UGDH: variants seen among roughly 807,000 people sequenced by gnomAD.
UGDH encodes the protein UDP-Glc dehydrogenase.
In UGDH, 38 loss-of-function variants were observed where a neutral mutation model predicts 50.6. The observed-to-expected ratio is 0.75, with a 90% CI of 0.58 to 0.98. The LOEUF (loss-of-function observed/expected upper bound fraction) is 0.98, where lower values mean the gene tolerates loss of function less well. Among genes scored for constraint, UGDH ranks in the 50% least tolerant of loss-of-function variants. The pLI is 0.00. For synonymous variants in UGDH, 168 were observed against 199.9 expected, an observed-to-expected ratio of 0.84 and a Z score of 1.35; for missense variants, 465 against 606.2, an observed-to-expected ratio of 0.77 and a Z score of 2.45.
intron 3 of UGDH, among the ~76,000 whole-genome samples, chr4:39,512,484 T>C (rs995922285): frequency 1.3e-5 from 2 of 152,204 alleles, no homozygotes; most frequent in African/African-American, 4.8e-5. Flanking sequence ...TGGGAGATGA[T>C]CAGACAGCTT....
Position 39,500,146 on chromosome 4 carries a change from C to T in UGDH, c.1482G>A (p.Val494=). ...LQDPPNKKPK[V] is the part of the protein sequence containing the mutation. ...TCACAAATAAAAATGGCAATCTCTA[C>T]ACTTTAGGTTTCTTGTTAGGTGGAT... The change falls in exon 12 of 12, where the codon GTG becomes GTA. Residue 494 remains valine, a synonymous_variant. Coordinates refer to ENST00000316423, the MANE Select transcript of UGDH (RefSeq NM_003359.4). 4.0e-6 allele frequency: 6 copies of T among 1,515,722 alleles called. No homozygotes were observed. The highest frequency in any genetic ancestry group is 5.4e-6 in the Non-Finnish European group (6 of 1,117,864). 93.9% of individuals were successfully genotyped at this position (1,515,722 alleles called of 1,614,324 possible).
Position 39,509,912 on chromosome 4 carries a change from A to AC in UGDH, c.664-6_664-5insG. 1 of 1,502,206 alleles carries AC rather than the reference A, an allele frequency of 6.7e-7. No individual in the cohort carries two copies. The highest frequency in any genetic ancestry group is 2.3e-5 in the East Asian group (1 of 44,070). The allele number at this position is 1,502,206 out of a possible 1,614,324, so 93.1% of individuals were successfully genotyped here. A position where few individuals can be genotyped will look rare whatever the true frequency, so the allele number is the denominator to read the frequency against. The stretch of plus-strand genomic sequence containing the variant: ...GGCAAGAAAAGCATTTGCTGCCTTA[A>AC]AAAAAAAAAACATAGAGAAGAGTAA... On this transcript the variant is annotated splice_polypyrimidine_tract_variant and splice_region_variant and intron_variant, in intron 5 of 11. Coordinates refer to ENST00000316423, the MANE Select transcript of UGDH (RefSeq NM_003359.4).
At chr4:39,508,426 G>T (rs546558545) in intron 7 of UGDH, 140 bp downstream of exon 7, 1 of 695,998 alleles carries the variant, frequency 1.4e-6, no homozygotes, top group Non-Finnish European at 2.3e-6. Context: ...TAGAGATGGG[G>T]TCTCACTATG....
At chr4:39,517,665 G>A (rs1190179015) in intron 2 of UGDH, among the ~76,000 whole-genome samples, 2 of 152,172 alleles carry the variant, frequency 1.3e-5, no homozygotes, top group Non-Finnish European at 2.9e-5. Flanking sequence ...TTAACAGTAA[G>A]TCAAAGCCCA....
rs1253596537 is a variant in UGDH at position 39,504,407 on chromosome 4, GTTACC to G, written c.1263+5_1263+9del. Reference sequence around the variant, plus strand: ...TAGAATTTTCCTTAGTATCTTTTCTGTTACCTTACCTTAAACATGTCCCACTCAGT... The same window carrying G: ...TAGAATTTTCCTTAGTATCTTTTCTGTTACCTTAAACATGTCCCACTCAGT... On this transcript the variant is annotated splice_donor_5th_base_variant and intron_variant, in intron 10 of 11. Transcript: ENST00000316423. The G allele has an allele frequency of 6.2e-7, 1 of 1,612,888 alleles. No individual in the cohort carries two copies. The highest frequency in any genetic ancestry group is 8.5e-7 in the Non-Finnish European group (1 of 1,179,140).
At chr4:39,500,653 C>CTTTTTTTTTTTTTTTTTT (rs11284301) in intron 11 of UGDH, among the ~76,000 whole-genome samples, 4 of 135,222 alleles carry the variant, frequency 3.0e-5, no homozygotes, top group African/African-American at 5.4e-5. Context: ...GCATAATTCT[C>CTTTTTTTTTTTTTTTTTT]TTTTTTTTTT....
rs1280352959 is a variant in UGDH, at chr4:39,508,666, G to A, written c.812-6C>T. ...GAAACAGCTCCCACCAAACCCTGCA[G>A]AAAGAAAAAAATGAACAATATTTTC... is the stretch of plus-strand genomic sequence containing the variant. On this transcript the variant is annotated splice_polypyrimidine_tract_variant and splice_region_variant and intron_variant, in intron 6 of 11. Coordinates refer to ENST00000316423, the MANE Select transcript of UGDH (RefSeq NM_003359.4). 1.3e-6 allele frequency: 2 copies of A among 1,580,310 alleles called. No homozygotes were observed. Among genetic ancestry groups the A allele is most frequent in the Admixed American group, 2.0e-5 (1 of 49,992 alleles).
At chr4:39,523,949 G>A (rs1423731060) in intron 1 of UGDH, among the ~76,000 whole-genome samples, 1 of 152,048 alleles carries the variant, frequency 6.6e-6, no homozygotes, top group Non-Finnish European at 1.5e-5. Flanking sequence ...TTCCACACAA[G>A]CAATCCGTTT....
At chr4:39,504,056 C>A in intron 10 of UGDH, 71 bp from the exon 11 acceptor site, 1 of 1,339,174 alleles carries the variant, frequency 7.5e-7, no homozygotes, top group Non-Finnish European at 1.1e-6. Flanking sequence ...TGCCTGTAAT[C>A]CCAGCACTTT....
chr4:39,526,500 A>C (rs902455572), intron 1 of UGDH: 1 of 152,372 alleles, frequency 6.6e-6, no homozygotes, highest in African/African-American at 2.4e-5. Flanking sequence ...GGATTTGAAG[A>C]AACTCAAAGG....
At chr4:39,506,845 T>A (rs1337190994) in intron 7 of UGDH, among the ~76,000 whole-genome samples, 1 of 152,128 alleles carries the variant, frequency 6.6e-6, no homozygotes. Context: ...TGACACTAAT[T>A]GTATCTGTTT....
rs572725162 is a variant in UGDH, at chr4:39,505,158, C to T, written c.1171+79G>A. On this transcript the variant is annotated intron_variant, in intron 9 of 11. Coordinates refer to ENST00000316423, the MANE Select transcript of UGDH (RefSeq NM_003359.4). ...CCTACCAATGATATACATGATAAAA[C>T]TGAACAACCTAAGGTTTCCAAAAGA... 17 of 1,430,926 alleles carry T rather than the reference C, an allele frequency of 1.2e-5. 1 individual carries two copies. The African/African-American group carries it at 1.9e-4, about 16-fold the overall frequency. The allele number at this position is 1,430,926 out of a possible 1,614,324, so 88.6% of individuals were successfully genotyped here. A position where few individuals can be genotyped will look rare whatever the true frequency, so the allele number is the denominator to read the frequency against.
At position 39,519,525 on chromosome 4, in the gene UGDH, A is replaced by C. The variant is rs113944907; in HGVS notation, c.162+1826T>G. On this transcript the variant is annotated intron_variant, in intron 2 of 11. Transcript: ENST00000316423. ...ACATTTTTAAAAATTACCCTAAACCAAATATAGTAGTAATATATATATATA... is the reference window on the plus strand; with the variant it reads ...ACATTTTTAAAAATTACCCTAAACCCAATATAGTAGTAATATATATATATA... Among the ~76,000 whole-genome samples the C allele has an allele frequency of 9.8e-3, 1,484 of 152,148 alleles. 22 individuals carry two copies. The highest frequency in any genetic ancestry group is 0.032 in the African/African-American group (1,340 of 41,480).
At chr4:39,518,410 G>A (rs748100941) in intron 2 of UGDH, among the ~76,000 whole-genome samples, 59 of 151,326 alleles carry the variant, frequency 3.9e-4, no homozygotes, top group Non-Finnish European at 7.1e-4. Context: ...GTGCAGTGGC[G>A]CCAACAGGGC....
chr4:39,526,515 CTG>C (rs1234262577), intron 1 of UGDH: 1 of 152,454 alleles, frequency 6.6e-6, no homozygotes, highest in African/African-American at 2.4e-5. Context: ...CAAAGGCTCA[CTG>C]TGTCTTTGAG....
chr4:39,527,153 G>C (rs944251205), intron 1 of UGDH, 130 bp downstream of exon 1: 3 of 1,283,500 alleles, frequency 2.3e-6, no homozygotes, highest in South Asian at 2.5e-5. Flanking sequence ...CGTGAGACGG[G>C]AAGCCCGGGA....
Position 39,527,293 on chromosome 4 carries a change from G to A in UGDH, c.-18C>T, listed in dbSNP as rs1746947486. 2 of 376,414 alleles carry A rather than the reference G, an allele frequency of 5.3e-6. No homozygotes were observed. The highest frequency in any genetic ancestry group is 2.1e-5 in the South Asian group (1 of 48,288). The allele number at this position is 376,414 out of a possible 1,614,324, so 23.3% of individuals were successfully genotyped here. On this transcript the variant is annotated 5_prime_UTR_variant, in exon 1 of 12. Transcript: ENST00000316423. ...GGGAGCGGCGCTTACCCACTTCCCA[G>A]CAGCAAGCGCAGGGACCGCTCCTAT...
At chr4:39,506,106 C>T (rs1746014475) in intron 7 of UGDH, among the ~76,000 whole-genome samples, 1 of 151,946 alleles carries the variant, frequency 6.6e-6, no homozygotes. Context: ...TGGCATGTGC[C>T]TGTAGTCCCA....
At chr4:39,522,187 G>A (rs1746689550) in intron 1 of UGDH, among the ~76,000 whole-genome samples, 1 of 152,192 alleles carries the variant, frequency 6.6e-6, no homozygotes, top group African/African-American at 2.4e-5. Context: ...CAGCAGAAAA[G>A]TGGGTTACAC....
Sources: gnomAD v4.1 joint callset for allele counts (sites outside exome capture counted in the v4.1 genomes callset) on GRCh38, gnomAD v4.1.1 for gene constraint, MANE v1.5 for transcripts, NCBI Gene and HGNC (gene_info 2026-07-23, HGNC 2026-07-21) for gene names.